DHRSX: variants seen among roughly 807,000 people sequenced by gnomAD.
The protein encoded by DHRSX is polyprenol dehydrogenase.
A neutral mutation model predicts 34.0 loss-of-function variants in DHRSX; 31 were observed. That is an observed-to-expected ratio of 0.91 (90% CI 0.69 to 1.23). The LOEUF (loss-of-function observed/expected upper bound fraction) is 1.23. DHRSX is among the 50% of genes most tolerant of loss of function. DHRSX has a pLI of 0.00. For missense variants in DHRSX, 414 were observed against 428.1 expected (o/e 0.97, Z 0.29); for synonymous variants, 201 against 183.8 (o/e 1.09, Z -0.76).
At chrX:2,366,758 G>A (rs1411216206) in intron 3 of DHRSX, among the ~76,000 whole-genome samples, 1 of 135,216 alleles carries the variant, frequency 7.4e-6, no homozygotes, top group Non-Finnish European at 1.6e-5. Flanking sequence ...ATCATACCCG[G>A]ATAATTTTTT....
At chrX:2,500,145 G>A (rs532441242) in intron 1 of DHRSX, among the ~76,000 whole-genome samples, 2 of 152,366 alleles carry the variant, frequency 1.3e-5, no homozygotes, top group East Asian at 1.9e-4. Context: ...GTCCTGCAAA[G>A]TTGGAGATCT....
chrX:2,391,331 G>C lies in DHRSX; in HGVS notation c.286+17414C>G, dbSNP rs141729539. Among the ~76,000 whole-genome samples, 855 of 152,298 alleles carry C rather than the reference G, an allele frequency of 5.6e-3. 5 individuals carry two copies. Among genetic ancestry groups the C allele is most frequent in the Non-Finnish European group, 6.8e-3 (460 of 68,028 alleles). On this transcript the variant is annotated intron_variant, in intron 3 of 6. Coordinates refer to ENST00000334651, the MANE Select transcript of DHRSX (RefSeq NM_145177.3). ...CCAGGTCGTCCCTCCTTAAAAGTCA[G>C]GTTCCTTCAAGACAGAATACAAGTG... is the stretch of plus-strand genomic sequence containing the variant.
chrX:2,454,291 C>T (rs376552310), intron 1 of DHRSX, among the ~76,000 whole-genome samples: 16 of 152,088 alleles, frequency 1.1e-4, no homozygotes, highest in African/African-American at 3.6e-4. Context: ...CTTTGGGAGG[C>T]TGAGGCGGGT....
chrX:2,265,941 G>A (rs751051907), intron 5 of DHRSX, among the ~76,000 whole-genome samples: 3 of 141,392 alleles, frequency 2.1e-5, no homozygotes, highest in East Asian at 4.4e-4. Context: ...AGGGAGCACT[G>A]TCCCCAGAGC....
chrX:2,455,112 CA>C (rs35335750), intron 1 of DHRSX, among the ~76,000 whole-genome samples: 74 of 139,316 alleles, frequency 5.3e-4, no homozygotes, highest in Middle Eastern at 3.8e-3. Context: ...AACCCCATCT[CA>C]AAAAAAAAAA....
chrX:2,393,005 T>C (rs2043353964), intron 3 of DHRSX, among the ~76,000 whole-genome samples: 1 of 145,300 alleles, frequency 6.9e-6, no homozygotes, highest in African/African-American at 2.5e-5. Context: ...CATTACAAAA[T>C]GTAACATACA....
intron 3 of DHRSX, among the ~76,000 whole-genome samples, chrX:2,347,408 T>C (rs1363378484): frequency 2.0e-5 from 3 of 152,126 alleles, no homozygotes; most frequent in Non-Finnish European, 4.4e-5. Context: ...AAGATGAGAT[T>C]TGGGGCCGGG....
chrX:2,362,969 A>G lies in DHRSX; in HGVS notation c.286+45776T>C, dbSNP rs931806394. Reference sequence around the variant, plus strand: ...TATCATGCCATTTTATCACCGTTCTATGGTATCATGCCGCCATTTTATCAC... The same window carrying G: ...TATCATGCCATTTTATCACCGTTCTGTGGTATCATGCCGCCATTTTATCAC... On this transcript the variant is annotated intron_variant, in intron 3 of 6. Transcript: ENST00000334651. Among the ~76,000 whole-genome samples, 8 of 100,514 alleles carry G rather than the reference A, an allele frequency of 8.0e-5. No homozygotes were observed. In the South Asian group the frequency reaches 1.0e-3, roughly 13 times the overall value. 65.9% of individuals were successfully genotyped at this position (100,514 alleles called of 152,430 possible).
At chrX:2,415,550 A>G (rs2043682441) in intron 2 of DHRSX, among the ~76,000 whole-genome samples, 1 of 151,826 alleles carries the variant, frequency 6.6e-6, no homozygotes, top group African/African-American at 2.4e-5. Context: ...ATGACCTAAT[A>G]CAACTAGATC....
At chrX:2,236,492 C>T (rs767935384) in intron 6 of DHRSX, among the ~76,000 whole-genome samples, 1 of 152,176 alleles carries the variant, frequency 6.6e-6, no homozygotes, top group South Asian at 2.1e-4. Flanking sequence ...AGTGCAGTGG[C>T]GCGATCTCGG....
intron 1 of DHRSX, among the ~76,000 whole-genome samples, chrX:2,474,124 G>C (rs1329732672): frequency 1.6e-4 from 24 of 151,818 alleles, no homozygotes; most frequent in Admixed American, 1.5e-3. Flanking sequence ...CAGCTTACAG[G>C]GTGGAAAGGA....
At chrX:2,498,487 A>T (rs2045334415) in intron 1 of DHRSX, among the ~76,000 whole-genome samples, 1 of 152,194 alleles carries the variant, frequency 6.6e-6, no homozygotes, top group Non-Finnish European at 1.5e-5. Context: ...GATGAGGGCA[A>T]GCCACTTAAG....
intron 1 of DHRSX, among the ~76,000 whole-genome samples, chrX:2,493,355 G>C (rs1273338685): frequency 1.3e-5 from 2 of 151,976 alleles, no homozygotes; most frequent in African/African-American, 4.8e-5. Context: ...GCTGAAACAG[G>C]TTTTGGTAAT....
intron 3 of DHRSX, among the ~76,000 whole-genome samples, chrX:2,306,983 C>G (rs182437281): frequency 7.0e-6 from 1 of 143,152 alleles, no homozygotes; most frequent in East Asian, 2.2e-4. Context: ...AATTTCATAA[C>G]TTGTCATGAA....
chrX:2,344,758 A>G (rs1051860672), intron 3 of DHRSX, among the ~76,000 whole-genome samples: 13 of 151,262 alleles, frequency 8.6e-5, no homozygotes, highest in African/African-American at 3.2e-4. Context: ...AGAAATACCT[A>G]ATGTAGATGA....
At chrX:2,305,197 C>T (rs757959146) in intron 3 of DHRSX, among the ~76,000 whole-genome samples, 4 of 141,738 alleles carry the variant, frequency 2.8e-5, no homozygotes, top group East Asian at 4.9e-4. Flanking sequence ...CACACTGGGG[C>T]GTGTTGTGGG....
At chrX:2,452,486 C>T (rs1254789197) in intron 1 of DHRSX, among the ~76,000 whole-genome samples, 1 of 151,808 alleles carries the variant, frequency 6.6e-6, no homozygotes, top group African/African-American at 2.4e-5. Context: ...GAAGACGTTC[C>T]CTAACCATGC....
chrX:2,452,266 CA>C (rs1185097968), intron 1 of DHRSX, among the ~76,000 whole-genome samples: 2 of 149,668 alleles, frequency 1.3e-5, no homozygotes, highest in African/African-American at 2.5e-5. Flanking sequence ...GTTCCCTAAG[CA>C]GGTGGCTAAG....
At chrX:2,246,726 AAGAAAGAAAGAAAGAAAGAAAG>A (rs1253217547) in intron 5 of DHRSX, among the ~76,000 whole-genome samples, 4 of 113,646 alleles carry the variant, frequency 3.5e-5, no homozygotes, top group Non-Finnish European at 9.0e-5. Flanking sequence ...GAAAGAAAGA[AAGAAAGAAAGAAAGAAAGAAAG>A]AAAAAGAAAG....
Sources: gnomAD v4.1 joint callset for allele counts (sites outside exome capture counted in the v4.1 genomes callset) on GRCh38, gnomAD v4.1.1 for gene constraint, MANE v1.5 for transcripts, NCBI Gene and HGNC (gene_info 2026-07-23, HGNC 2026-07-21) for gene names.